DCLRE1A: variants seen among roughly 807,000 people sequenced by gnomAD.
DCLRE1A encodes the protein DNA cross-link repair 1A protein.
In DCLRE1A, 64 loss-of-function variants were observed where a neutral mutation model predicts 91.9. The ratio of observed to expected loss-of-function variants is 0.70; its 90% CI spans 0.57 to 0.86. The LOEUF (loss-of-function observed/expected upper bound fraction) is 0.86, where lower values mean the gene tolerates loss of function less well. Among genes scored for constraint, DCLRE1A ranks in the 40% least tolerant of loss-of-function variants. The probability of loss-of-function intolerance (pLI) is 0.00; values close to 1 mark genes in which losing one functional copy is unlikely to be tolerated. For missense variants in DCLRE1A, 1,145 were observed against 1,213.3 expected, an observed-to-expected ratio of 0.94 and a Z score of 0.84; for synonymous variants, 416 against 431.1, an observed-to-expected ratio of 0.96 and a Z score of 0.43.
intron 4 of DCLRE1A, 38 bp from the exon 5 acceptor site, chr10:113,844,282 C>T (rs369630208): frequency 6.2e-7 from 1 of 1,609,668 alleles, no homozygotes. Flanking sequence ...ATAACACAGG[C>T]AAGCACCTAA....
intron 4 of DCLRE1A, among the ~76,000 whole-genome samples, chr10:113,844,787 T>C (rs918450425): frequency 3.3e-5 from 5 of 151,916 alleles, no homozygotes; most frequent in Non-Finnish European, 5.9e-5. Context: ...AATACAAAAA[T>C]TAGCCAGGTG....
chr10:113,851,729 T>G (rs1564846378), intron 1 of DCLRE1A, among the ~76,000 whole-genome samples: 1 of 151,858 alleles, frequency 6.6e-6, no homozygotes, highest in Non-Finnish European at 1.5e-5. Context: ...ATACTTTTTT[T>G]TTTTTTTTTC....
intron 1 of DCLRE1A, among the ~76,000 whole-genome samples, chr10:113,851,057 C>T (rs17235073): frequency 0.022 from 3,282 of 152,234 alleles, 56 homozygotes; most frequent in Non-Finnish European, 0.033. Context: ...AAAAATGCCT[C>T]TTAAAAGCAT....
At chr10:113,840,682 C>T (rs1255414663) in intron 7 of DCLRE1A, among the ~76,000 whole-genome samples, 1 of 152,204 alleles carries the variant, frequency 6.6e-6, no homozygotes, top group Non-Finnish European at 1.5e-5. Context: ...TTCCTGTCTC[C>T]ATTGCCTCAC....
rs193184917 is a variant in DCLRE1A at position 113,848,085 on chromosome 10, G to A, written c.2126-750C>T. Among the ~76,000 whole-genome samples the A allele has an allele frequency of 3.4e-3, 520 of 152,222 alleles. 4 individuals carry two copies. The highest frequency in any genetic ancestry group is 0.012 in the African/African-American group (489 of 41,524). ...TCCCAGCACTTTGGGAGGCCGAGGC[G>A]GGCGGATCACGAAGTCAGGAGATCG... On this transcript the variant is annotated intron_variant, in intron 2 of 8. Coordinates refer to ENST00000361384, the MANE Select transcript of DCLRE1A (RefSeq NM_014881.5).
At chr10:113,844,728 G>C (rs1260152902) in intron 4 of DCLRE1A, among the ~76,000 whole-genome samples, 1 of 152,160 alleles carries the variant, frequency 6.6e-6, no homozygotes. Context: ...CTGAGGTCAG[G>C]AGTTCGAAAC....
At chr10:113,841,938 A>T (rs951838301) in intron 6 of DCLRE1A, among the ~76,000 whole-genome samples, 1 of 152,212 alleles carries the variant, frequency 6.6e-6, no homozygotes, top group African/African-American at 2.4e-5. Flanking sequence ...AATTAGTACA[A>T]TACTACCTGG....
Position 113,849,711 on chromosome 10 carries a change from A to G in DCLRE1A, c.1394T>C (p.Met465Thr), listed in dbSNP as rs1295643617. ...TACCTGACTTTCAAAAGGTTTCAAC[A>G]TTAAACTCTTAACTAACGGAAGAGA... ...QVSLPLVKSL[M>T]LKPFESQVEG... is the part of the protein sequence containing the mutation. The change falls in exon 2 of 9, where the codon ATG (methionine) becomes ACG (threonine). Residue 465 changes from methionine to threonine, a missense_variant. Physicochemically the swap from Met to Thr is moderately conservative, Grantham distance 81. Transcript: ENST00000361384. 1.9e-6 allele frequency: 3 copies of G among 1,614,106 alleles called. No homozygotes were observed. The African/African-American group carries it at 4.0e-5, about 22-fold the overall frequency.
At chr10:113,847,054 A>G in intron 3 of DCLRE1A, 148 bp downstream of exon 3, 4 of 724,046 alleles carry the variant, frequency 5.5e-6, no homozygotes, top group Non-Finnish European at 8.2e-6. Flanking sequence ...AACTCGTTTT[A>G]AGTTTAGGAC....
chr10:113,845,617 A>T, intron 4 of DCLRE1A, 68 bp downstream of exon 4: 1 of 1,161,862 alleles, frequency 8.6e-7, no homozygotes, highest in Non-Finnish European at 1.3e-6. Context: ...AAAAGTTATT[A>T]ATCATGCCAA....
rs1845597183 is a variant in DCLRE1A, at chr10:113,849,261, C to T, written c.1844G>A (p.Ser615Asn). The T allele has an allele frequency of 3.1e-6, 5 of 1,614,170 alleles. No homozygotes were observed. The highest frequency in any genetic ancestry group is 4.2e-6 in the Non-Finnish European group (5 of 1,180,022). Residue 615 changes from serine (S) to asparagine (N), a missense_variant, in exon 2 of 9, where the codon AGT becomes AAT. By Grantham distance (46) the Ser-to-Asn change is conservative. Transcript: ENST00000361384. ...KSLSDLEFDA[S>N]TLHESQLSVE... ...AGAAAGCTGACTCTCATGTAAAGTA[C>T]TTGCATCAAATTCTAAATCACTTAA...
At chr10:113,852,249 T>C (rs911398940) in intron 1 of DCLRE1A, among the ~76,000 whole-genome samples, 12 of 152,158 alleles carry the variant, frequency 7.9e-5, no homozygotes, top group African/African-American at 2.9e-4. Context: ...GGCAGGAGAA[T>C]GGCATGAACC....
chr10:113,837,598 A>G (rs562000865), intron 7 of DCLRE1A, among the ~76,000 whole-genome samples: 2 of 152,328 alleles, frequency 1.3e-5, no homozygotes, highest in South Asian at 4.1e-4. Context: ...ATATACATCA[A>G]AAGGGGATAG....
In DCLRE1A at chr10:113,847,363, T is replaced by C. The variant is rs771684144; in HGVS notation, c.2126-28A>G. 52 of 1,611,808 alleles carry C rather than the reference T, an allele frequency of 3.2e-5. No homozygotes were observed. In the Middle Eastern group the frequency reaches 4.9e-4, roughly 15 times the overall value. ...GCAATAAAAATACCGACACAGTAGG[T>C]TGAGCAAGAGCTAAGATACCCAATT... On this transcript the variant is annotated intron_variant, in intron 2 of 8. Coordinates refer to ENST00000361384, the MANE Select transcript of DCLRE1A (RefSeq NM_014881.5).
At position 113,835,083 on chromosome 10, in the gene DCLRE1A, T is replaced by C; in HGVS notation, c.*69A>G. On this transcript the variant is annotated 3_prime_UTR_variant, in exon 9 of 9. Coordinates refer to ENST00000361384, the MANE Select transcript of DCLRE1A (RefSeq NM_014881.5). The stretch of plus-strand genomic sequence containing the variant: ...TTCCACACAAAGTGTATTTCACATT[T>C]CTATAGATTTAACTACTAACAAGCT... 7.0e-7 allele frequency: 1 copy of C among 1,434,992 alleles called. No individual in the cohort carries two copies. The highest frequency in any genetic ancestry group is 9.5e-7 in the Non-Finnish European group (1 of 1,052,004). 88.9% of individuals were successfully genotyped at this position (1,434,992 alleles called of 1,614,324 possible).
rs374758875 is a variant in DCLRE1A, at chr10:113,841,491, T to C, written c.2735A>G (p.Asn912Ser). 1.7e-5 allele frequency: 28 copies of C among 1,613,676 alleles called. No homozygotes were observed. The highest frequency in any genetic ancestry group is 1.1e-4 in the African/African-American group (8 of 75,022). Residue 912 changes from asparagine (N) to serine (S), a missense_variant, in exon 7 of 9, where the codon AAT becomes AGT. Asn to Ser is a conservative substitution (Grantham distance 46). Coordinates refer to ENST00000361384, the MANE Select transcript of DCLRE1A (RefSeq NM_014881.5). ...QEKYKTLQCL[N>S]IPEINSLITT... ...GATGAGTGAATTAATTTCTGGTATA[T>C]TGAGGCACTGTAGAGTTTTATATTT...
Position 113,850,117 on chromosome 10 carries a change from T to C in DCLRE1A, c.988A>G (p.Lys330Glu). ...TCATCTTCTTCGAGGCTGCCATCTT[T>C]TGAGCTTTCGGTAAAAAACAGTTGT... ...QEQLFFTESSKDGSLEEDDDS... is the reference protein window; with the variant it reads ...QEQLFFTESSEDGSLEEDDDS... The change falls in exon 2 of 9, where the codon AAA becomes GAA. Residue 330 changes from lysine to glutamate, a missense_variant. Transcript: ENST00000361384. The C allele has an allele frequency of 6.2e-7, 1 of 1,614,128 alleles. No individual in the cohort carries two copies. The highest frequency in any genetic ancestry group is 8.5e-7 in the Non-Finnish European group (1 of 1,180,016).
chr10:113,838,151 A>T (rs1050190334), intron 7 of DCLRE1A, among the ~76,000 whole-genome samples: 1 of 152,170 alleles, frequency 6.6e-6, no homozygotes, highest in African/African-American at 2.4e-5. Context: ...AGTTAAAGTT[A>T]TTGATATGTA....
At chr10:113,852,173 A>G (rs185910154) in intron 1 of DCLRE1A, among the ~76,000 whole-genome samples, 16 of 152,300 alleles carry the variant, frequency 1.1e-4, no homozygotes, top group Admixed American at 1.0e-3. Context: ...CGTCTCTACT[A>G]AAAATACAAA....
Sources: gnomAD v4.1 joint callset for allele counts (sites outside exome capture counted in the v4.1 genomes callset) on GRCh38, gnomAD v4.1.1 for gene constraint, MANE v1.5 for transcripts, NCBI Gene and HGNC (gene_info 2026-07-23, HGNC 2026-07-21) for gene names.